The following TRAK1 variants were observed in gnomAD, a reference collection of about 807,000 sequenced individuals.
TRAK1 encodes the protein trafficking kinesin protein 1.
A neutral mutation model predicts 92.1 loss-of-function variants in TRAK1; 33 were observed. The ratio of observed to expected loss-of-function variants is 0.36; its 90% confidence interval spans 0.27 to 0.48. The LOEUF (loss-of-function observed/expected upper bound fraction) is 0.48, where lower values mean the gene tolerates loss of function less well. Ranked by LOEUF, TRAK1 falls within the 20% of genes least tolerant of loss-of-function variation. TRAK1 has a pLI of 0.99. For missense variants in TRAK1, 1,123 were observed against 1,257.9 expected, an observed-to-expected ratio of 0.89 and a Z score of 1.62; for synonymous variants, 521 against 517.3, an observed-to-expected ratio of 1.01 and a Z score of -0.10.
Position 42,176,894 on chromosome 3 carries a change from A to C in TRAK1, c.363+4A>C. ...TGTCACTCGGCTTCTTGAGGAGGTA[A>C]GTGCTCCAGGGGAAGGCAAAAGAGT... On this transcript the variant is annotated splice_donor_region_variant and intron_variant, in intron 3 of 15. Coordinates refer to ENST00000327628, the MANE Select transcript of TRAK1 (RefSeq NM_001042646.3). The C allele has an allele frequency of 6.2e-7, 1 of 1,613,930 alleles. No homozygotes were observed. Among genetic ancestry groups the C allele is most frequent in the Non-Finnish European group, 8.5e-7 (1 of 1,179,820 alleles).
intron 1 of TRAK1, among the ~76,000 whole-genome samples, chr3:42,043,085 T>TCC (rs1188272466): frequency 6.6e-6 from 1 of 152,118 alleles, no homozygotes; most frequent in Non-Finnish European, 1.5e-5. Context: ...ATCTTTCCTC[T>TCC]CCCTTTAAGG....
rs530959209 is a variant in TRAK1 at position 42,210,003 on chromosome 3, C to A, written c.1963+18C>A. 1.2e-6 allele frequency: 2 copies of A among 1,614,162 alleles called. No individual in the cohort carries two copies. The highest frequency in any genetic ancestry group is 3.3e-5 in the Admixed American group (2 of 60,026). On this transcript the variant is annotated intron_variant, in intron 14 of 15. Transcript: ENST00000327628. Reference sequence around the variant, plus strand: ...GACCTCAGGTGAGAGGTCCCAAGCACGTGTGACTGTCTCAGGCAGCAGAAG... The same window carrying A: ...GACCTCAGGTGAGAGGTCCCAAGCAAGTGTGACTGTCTCAGGCAGCAGAAG...
At chr3:42,096,784 A>G (rs1289973301) in intron 1 of TRAK1, among the ~76,000 whole-genome samples, 2 of 152,230 alleles carry the variant, frequency 1.3e-5, no homozygotes, top group Non-Finnish European at 2.9e-5. Context: ...GAACCACTGC[A>G]GCAGCCCCCA....
Position 42,202,538 on chromosome 3 carries a change from C to T in TRAK1, c.1530C>T (p.Leu510=), listed in dbSNP as rs773874748. 12 of 1,568,458 alleles carry T rather than the reference C, an allele frequency of 7.7e-6. No homozygotes were observed. In the South Asian group the frequency reaches 1.4e-4, roughly 18 times the overall value. Residue 510 remains leucine (L), a synonymous_variant, in exon 13 of 16, where the codon CTC becomes CTT. Coordinates refer to ENST00000327628, the MANE Select transcript of TRAK1 (RefSeq NM_001042646.3). This position sits in a 1 kb window ranked among gnomAD's most constrained non-coding sequence, Gnocchi z 6.1. ...RRLSLRRENY[L]SERRFFEEEQ... The stretch of plus-strand genomic sequence containing the variant: ...TGTCCCTGCGCCGGGAGAACTACCT[C>T]TCGGAGAGGAGGTTCTTTGAGGAGG...
chr3:42,175,310 G>A (rs1176412792), intron 2 of TRAK1, among the ~76,000 whole-genome samples: 1 of 152,188 alleles, frequency 6.6e-6, no homozygotes, highest in African/African-American at 2.4e-5. Flanking sequence ...ACTAACTCGG[G>A]TTGGTAGCAT....
At chr3:42,125,885 C>T (rs952398774) in intron 2 of TRAK1, among the ~76,000 whole-genome samples, 45 of 152,176 alleles carry the variant, frequency 3.0e-4, no homozygotes, top group African/African-American at 1.1e-3. Context: ...GAGTCTAGCT[C>T]TCTTGCCCAG....
chr3:42,058,171 C>T (rs972725525), intron 1 of TRAK1, among the ~76,000 whole-genome samples: 10 of 152,154 alleles, frequency 6.6e-5, no homozygotes, highest in African/African-American at 2.4e-4. Context: ...TTGGAACCTC[C>T]TCATCTTTAA....
intron 13 of TRAK1, among the ~76,000 whole-genome samples, chr3:42,205,199 A>G (rs988555794): frequency 2.0e-5 from 3 of 152,192 alleles, no homozygotes; most frequent in African/African-American, 7.2e-5. Flanking sequence ...GCTTGCTCCA[A>G]TCCAGGTCTG....
chr3:42,092,533 G>T (rs901739750), intron 1 of TRAK1, among the ~76,000 whole-genome samples: 1 of 152,154 alleles, frequency 6.6e-6, no homozygotes, highest in African/African-American at 2.4e-5. Context: ...GACTGGTCCT[G>T]CCCTCAGAGC....
chr3:42,183,553 T>TAAAAAAAA (rs11293523), intron 3 of TRAK1, among the ~76,000 whole-genome samples: 125 of 117,304 alleles, frequency 1.1e-3, no homozygotes, highest in African/African-American at 3.0e-3. Context: ...AGACTCTGTC[T>TAAAAAAAA]AAAAAAAAAA....
At chr3:42,175,560 G>A (rs1703107482) in intron 2 of TRAK1, among the ~76,000 whole-genome samples, 1 of 152,160 alleles carries the variant, frequency 6.6e-6, no homozygotes, top group Admixed American at 6.5e-5. Context: ...TGGTGGCACT[G>A]TCTTGGTAGG....
At chr3:42,214,232 C>T (rs1190444365) in intron 14 of TRAK1, among the ~76,000 whole-genome samples, 1 of 152,126 alleles carries the variant, frequency 6.6e-6, no homozygotes, top group African/African-American at 2.4e-5. Context: ...TGTGGAGGGC[C>T]CTTGAGGGAG....
At chr3:42,194,285 C>T (rs1378670082) in intron 9 of TRAK1, among the ~76,000 whole-genome samples, 1 of 152,188 alleles carries the variant, frequency 6.6e-6, no homozygotes, top group East Asian at 1.9e-4. Flanking sequence ...CATTCTGTCA[C>T]CCAGGCTGGA....
At chr3:42,181,621 G>C (rs552283688) in intron 3 of TRAK1, among the ~76,000 whole-genome samples, 67 of 152,324 alleles carry the variant, frequency 4.4e-4, no homozygotes, top group African/African-American at 1.6e-3. Flanking sequence ...ATGCATGAAG[G>C]CAATGCAGAC....
At chr3:42,160,105 G>C in intron 2 of TRAK1, 56 of 577,664 alleles carry the variant, frequency 9.7e-5, no homozygotes, top group Non-Finnish European at 1.2e-4. Flanking sequence ...ACCCCGCCAA[G>C]TGCTCCACCC....
At chr3:42,218,342 C>A in intron 14 of TRAK1, 1 of 984,714 alleles carries the variant, frequency 1.0e-6, no homozygotes, top group Non-Finnish European at 1.2e-6. Flanking sequence ...TAGTTCACAG[C>A]CTTTTGAATC....
At chr3:42,139,264 C>G (rs1698371364) in intron 2 of TRAK1, among the ~76,000 whole-genome samples, 2 of 152,104 alleles carry the variant, frequency 1.3e-5, no homozygotes, top group Admixed American at 1.3e-4. Context: ...GAGAATTGTG[C>G]CTTCTCTTCT....
chr3:42,017,953 TTAAA>T (rs1701586619), intron 1 of TRAK1, among the ~76,000 whole-genome samples: 1 of 152,036 alleles, frequency 6.6e-6, no homozygotes, highest in African/African-American at 2.4e-5. Context: ...TTTTTTTTTC[TTAAA>T]TAGAGACAGG....
chr3:42,124,310 A>G (rs1405465622), intron 1 of TRAK1, among the ~76,000 whole-genome samples: 2 of 152,178 alleles, frequency 1.3e-5, no homozygotes, highest in Non-Finnish European at 2.9e-5. Flanking sequence ...TGCTGTTCCC[A>G]TGGGCTGTTT....
Sources: gnomAD v4.1 joint callset for allele counts (sites outside exome capture counted in the v4.1 genomes callset) on GRCh38, gnomAD v4.1.1 for gene constraint, Gnocchi (gnomAD v3.1) non-coding constraint, MANE v1.5 for transcripts, NCBI Gene and HGNC (gene_info 2026-07-23, HGNC 2026-07-21) for gene names.